Variants in OPCML observed in about 807,000 individuals in gnomAD.
OPCML encodes opioid-binding protein/cell adhesion molecule.
A neutral mutation model predicts 37.8 loss-of-function variants in OPCML; 13 were observed. The observed-to-expected ratio is 0.34, with a 90% CI of 0.22 to 0.55. The LOEUF is 0.55. Among genes scored for constraint, OPCML ranks in the 20% least tolerant of loss-of-function variants. OPCML has a pLI of 0.91. For missense variants in OPCML, 341 were observed against 435.6 expected (o/e 0.78, Z 1.93); for synonymous variants, 176 against 168.8 (o/e 1.04, Z -0.33).
chr11:132,546,904 A>T (rs1403300918), intron 3 of OPCML, among the ~76,000 whole-genome samples: 1 of 152,216 alleles, frequency 6.6e-6, no homozygotes, highest in Non-Finnish European at 1.5e-5. Context: ...GATGGGACAC[A>T]TTAGGGAAAG....
In OPCML at chr11:133,040,778, C is replaced by T. The variant is rs148945252; in HGVS notation, c.62-97768G>A. ...TCTGTGGGAGCTCAGTAAGTGCTCTCGCATTAATATGGAAGTCAATACCAC... is the reference window on the plus strand; with the variant it reads ...TCTGTGGGAGCTCAGTAAGTGCTCTTGCATTAATATGGAAGTCAATACCAC... On this transcript the variant is annotated intron_variant, in intron 1 of 7. Coordinates refer to ENST00000524381, the MANE Select transcript of OPCML (RefSeq NM_001012393.5). 6.9e-4 allele frequency among the ~76,000 whole-genome samples: 105 copies of T among 151,976 alleles called. No individual in the cohort carries two copies. The East Asian group carries it at 8.5e-3, about 12-fold the overall frequency.
intron 1 of OPCML, among the ~76,000 whole-genome samples, chr11:133,526,675 A>G (rs1248883841): frequency 1.3e-5 from 2 of 152,206 alleles, no homozygotes; most frequent in Admixed American, 6.5e-5. Flanking sequence ...GTGGAACTAC[A>G]TCCATGCCCT....
chr11:133,127,096 A>C (rs1949528952), intron 1 of OPCML, among the ~76,000 whole-genome samples: 1 of 152,168 alleles, frequency 6.6e-6, no homozygotes, highest in Non-Finnish European at 1.5e-5. Context: ...GGTAACAAGA[A>C]GCTGTCCTTA....
At chr11:133,148,858 A>T (rs1352482690) in intron 1 of OPCML, among the ~76,000 whole-genome samples, 7 of 152,148 alleles carry the variant, frequency 4.6e-5, no homozygotes, top group Non-Finnish European at 1.0e-4. Flanking sequence ...CAGCTGAAAA[A>T]GGGAAGGAAG....
chr11:132,662,164 T>C (rs901729758), intron 2 of OPCML, among the ~76,000 whole-genome samples: 1 of 151,408 alleles, frequency 6.6e-6, no homozygotes, highest in Non-Finnish European at 1.5e-5. Flanking sequence ...CAAAAACAGA[T>C]TGCTGAAGCC....
intron 4 of OPCML, among the ~76,000 whole-genome samples, chr11:132,485,254 T>A (rs2096195945): frequency 6.6e-6 from 1 of 152,176 alleles, no homozygotes; most frequent in Non-Finnish European, 1.5e-5. Flanking sequence ...TGCATGCATT[T>A]ACCTCATAAA....
At chr11:132,656,697 A>G (rs1273116174) in intron 3 of OPCML, among the ~76,000 whole-genome samples, 10 of 152,182 alleles carry the variant, frequency 6.6e-5, no homozygotes, top group Non-Finnish European at 1.5e-4. Context: ...GTAGTTTCTC[A>G]TTGGCATTAT....
chr11:133,315,898 T>C (rs1943195772), intron 1 of OPCML, among the ~76,000 whole-genome samples: 1 of 152,188 alleles, frequency 6.6e-6, no homozygotes, highest in African/African-American at 2.4e-5. Context: ...TCGACAAATG[T>C]TGTGAGTTTC....
chr11:133,157,237 A>C (rs1367870822), intron 1 of OPCML, among the ~76,000 whole-genome samples: 1 of 152,174 alleles, frequency 6.6e-6, no homozygotes, highest in Non-Finnish European at 1.5e-5. Context: ...ATCATTATGA[A>C]AAACCATCAC....
At chr11:133,493,119 G>A (rs910169907) in intron 1 of OPCML, among the ~76,000 whole-genome samples, 1 of 152,206 alleles carries the variant, frequency 6.6e-6, no homozygotes, top group South Asian at 2.1e-4. Flanking sequence ...GTGATGACAA[G>A]CGCAGGATTG....
chr11:133,036,781 T>A (rs1042282836), intron 1 of OPCML, among the ~76,000 whole-genome samples: 1 of 152,234 alleles, frequency 6.6e-6, no homozygotes, highest in African/African-American at 2.4e-5. Context: ...AGAAAAGAAC[T>A]GGCAGCTTAA....
At chr11:133,288,532 C>G (rs533643711) in intron 1 of OPCML, among the ~76,000 whole-genome samples, 1 of 152,286 alleles carries the variant, frequency 6.6e-6, no homozygotes, top group Non-Finnish European at 1.5e-5. Context: ...TGGACTGTTG[C>G]GGTGTAAGGC....
At chr11:132,528,509 T>A (rs2096314748) in intron 4 of OPCML, among the ~76,000 whole-genome samples, 4 of 152,232 alleles carry the variant, frequency 2.6e-5, no homozygotes, top group Admixed American at 1.3e-4. Context: ...TTTTAACTGA[T>A]GTTTTCATAC....
At chr11:132,771,030 A>T (rs762170550) in intron 2 of OPCML, among the ~76,000 whole-genome samples, 2 of 152,148 alleles carry the variant, frequency 1.3e-5, no homozygotes, top group African/African-American at 2.4e-5. Context: ...AGGAGTCCTG[A>T]TCGCAGGGTA....
At chr11:133,292,030 T>C (rs543278348) in intron 1 of OPCML, among the ~76,000 whole-genome samples, 1 of 152,314 alleles carries the variant, frequency 6.6e-6, no homozygotes, top group African/African-American at 2.4e-5. Flanking sequence ...GCTACATCAA[T>C]ATGGCCGTCG....
At chr11:132,662,006 TG>T (rs1257127707) in intron 2 of OPCML, among the ~76,000 whole-genome samples, 1 of 152,190 alleles carries the variant, frequency 6.6e-6, no homozygotes, top group African/African-American at 2.4e-5. Context: ...AGCAAAGAAA[TG>T]CCTGACAGAC....
At chr11:132,645,823 AAC>A (rs1174350840) in intron 3 of OPCML, among the ~76,000 whole-genome samples, 2 of 152,220 alleles carry the variant, frequency 1.3e-5, no homozygotes, top group East Asian at 3.8e-4. Context: ...TGAAGTTCTC[AAC>A]AGTCACTTGT....
In OPCML at chr11:133,483,997, C is replaced by A. The variant is rs113971155; in HGVS notation, c.61+48267G>T. On this transcript the variant is annotated intron_variant, in intron 1 of 7. Coordinates refer to ENST00000524381, the MANE Select transcript of OPCML (RefSeq NM_001012393.5). ...GGTAGATAGAAAGATAGCTAGCTAG[C>A]TAGATAGATAGATAGACAAATAGAT... Among the ~76,000 whole-genome samples the A allele has an allele frequency of 9.3e-3, 1,352 of 144,868 alleles. 24 individuals are homozygous for A. Among genetic ancestry groups the A allele is most frequent in the Non-Finnish European group, 1.0e-2 (658 of 65,994 alleles).
intron 1 of OPCML, among the ~76,000 whole-genome samples, chr11:133,362,602 C>T (rs1021137596): frequency 3.3e-5 from 5 of 152,126 alleles, no homozygotes; most frequent in Admixed American, 2.6e-4. Context: ...ATAAATGGAA[C>T]GGGAGACGTG....
Sources: allele counts gnomAD v4.1 joint callset (sites outside exome capture counted in the v4.1 genomes callset), GRCh38; gene constraint gnomAD v4.1.1; transcripts MANE v1.5; gene names NCBI Gene and HGNC (gene_info 2026-07-23, HGNC 2026-07-21).